The following TNFSF11 variants were observed in gnomAD, a reference collection of about 807,000 sequenced individuals.
TNFSF11 encodes the protein tumor necrosis factor ligand superfamily member 11.
TNFSF11 carries 12 observed loss-of-function variants against 32.2 expected under a neutral mutation model. The observed-to-expected ratio is 0.37, with a 90% confidence interval of 0.24 to 0.60. The LOEUF (loss-of-function observed/expected upper bound fraction) is 0.60. Among genes scored for constraint, TNFSF11 ranks in the 20% least tolerant of loss-of-function variants. The probability of loss-of-function intolerance (pLI) is 0.66; values close to 1 mark genes in which losing one functional copy is unlikely to be tolerated. For synonymous variants in TNFSF11, 172 were observed against 152.1 expected (o/e 1.13, Z -0.96); for missense variants, 345 against 398.0 (o/e 0.87, Z 1.13).
chr13:42,595,696 A>G (rs1868769952), intron 2 of TNFSF11, among the ~76,000 whole-genome samples: 1 of 152,240 alleles, frequency 6.6e-6, no homozygotes. Flanking sequence ...TCAGAGTGTT[A>G]ACTAACTGGT....
intron 1 of TNFSF11, among the ~76,000 whole-genome samples, chr13:42,580,401 C>T (rs1485156821): frequency 5.3e-5 from 8 of 152,146 alleles, no homozygotes; most frequent in African/African-American, 1.7e-4. Context: ...AGCATCCCTC[C>T]AGCACACGTC....
rs776671904 is a variant in TNFSF11 at position 42,606,447 on chromosome 13, C to G, written c.533-50C>G. On this transcript the variant is annotated intron_variant, in intron 4 of 4. Transcript: ENST00000398795. ...AACCTCATAGAATTGTGAAGACGTC[C>G]TTCTCATTTAAGGACTGACTTTCAA... 2.1e-5 allele frequency: 33 copies of G among 1,609,748 alleles called. No individual in the cohort carries two copies. In the South Asian group the frequency reaches 3.6e-4, roughly 18 times the overall value.
At chr13:42,596,757 C>T (rs181002016) in intron 2 of TNFSF11, among the ~76,000 whole-genome samples, 2 of 152,242 alleles carry the variant, frequency 1.3e-5, no homozygotes, top group East Asian at 1.9e-4. Context: ...TATAGTAAAC[C>T]CTTAACTAAA....
chr13:42,586,030 T>A (rs1002468803), intron 2 of TNFSF11, among the ~76,000 whole-genome samples: 6 of 152,276 alleles, frequency 3.9e-5, no homozygotes, highest in Non-Finnish European at 8.8e-5. Context: ...TCTGTATATG[T>A]ATTTTTTAAT....
intron 2 of TNFSF11, among the ~76,000 whole-genome samples, chr13:42,584,733 G>A (rs1323632459): frequency 6.6e-6 from 1 of 152,196 alleles, no homozygotes; most frequent in Non-Finnish European, 1.5e-5. Flanking sequence ...CTTATTAAGG[G>A]CACGTAGTCT....
chr13:42,592,349 T>C (rs1158582142), intron 2 of TNFSF11, among the ~76,000 whole-genome samples: 1 of 152,220 alleles, frequency 6.6e-6, no homozygotes, highest in Admixed American at 6.5e-5. Context: ...GGTAATATTC[T>C]TGAATGGCTC....
At chr13:42,582,104 T>C (rs1443436242) in intron 2 of TNFSF11, among the ~76,000 whole-genome samples, 2 of 152,228 alleles carry the variant, frequency 1.3e-5, no homozygotes, top group African/African-American at 4.8e-5. Flanking sequence ...TCCCAGCCTC[T>C]GTGTTGCAAC....
intron 2 of TNFSF11, among the ~76,000 whole-genome samples, chr13:42,588,458 G>A (rs916212537): frequency 3.3e-5 from 5 of 152,220 alleles, no homozygotes; most frequent in Non-Finnish European, 7.3e-5. Context: ...GCTTGAAAGA[G>A]GAGCCTTCAT....
intron 1 of TNFSF11, among the ~76,000 whole-genome samples, chr13:42,577,319 A>T (rs956504805): frequency 1.3e-5 from 2 of 152,222 alleles, no homozygotes; most frequent in African/African-American, 4.8e-5. Context: ...TAAATGTTTG[A>T]ATAGATAAAA....
intron 4 of TNFSF11, among the ~76,000 whole-genome samples, chr13:42,605,005 G>A (rs140256983): frequency 0.027 from 4,085 of 151,992 alleles, 176 homozygotes; most frequent in African/African-American, 0.093. Flanking sequence ...GGCTGGTCTC[G>A]AACTCCCGAC....
chr13:42,595,165 G>A lies in TNFSF11; in HGVS notation c.388-5587G>A, dbSNP rs1868734271. Among the ~76,000 whole-genome samples the A allele has an allele frequency of 2.6e-5, 4 of 152,332 alleles. No individual in the cohort carries two copies. In the South Asian group the frequency reaches 8.3e-4, roughly 32 times the overall value. On this transcript the variant is annotated intron_variant, in intron 2 of 4. Coordinates refer to ENST00000398795, the MANE Select transcript of TNFSF11 (RefSeq NM_003701.4). ...GTCAGGATTGTCAATGTTGGACAGC[G>A]TCCACTAGGTGGCAGTATCTCAGAA...
At chr13:42,565,019 ATC>A (rs1365757179) in intron 1 of TNFSF11, among the ~76,000 whole-genome samples, 2 of 152,208 alleles carry the variant, frequency 1.3e-5, no homozygotes, top group African/African-American at 4.8e-5. Flanking sequence ...GTAGATTTTA[ATC>A]TGTTACATCA....
chr13:42,581,331 G>A, intron 2 of TNFSF11, 38 bp downstream of exon 2: 1 of 1,610,618 alleles, frequency 6.2e-7, no homozygotes, highest in South Asian at 1.1e-5. Flanking sequence ...AAGGGCCCTT[G>A]CTGACTCTAC....
chr13:42,572,031 C>G (rs534896008), upstream of TNFSF11, among the ~76,000 whole-genome samples: 1 of 152,206 alleles, frequency 6.6e-6, no homozygotes, highest in East Asian at 1.9e-4. Context: ...TGAATGTTGA[C>G]AAAGGAATAA....
chr13:42,607,098 T>TGTTA lies in TNFSF11; in HGVS notation c.*182_*185dup. 1 of 712,766 alleles carries TGTTA rather than the reference T, an allele frequency of 1.4e-6. No homozygotes were observed. Among genetic ancestry groups the TGTTA allele is most frequent in the East Asian group, 2.7e-5 (1 of 36,632 alleles). 44.2% of individuals were successfully genotyped at this position (712,766 alleles called of 1,614,324 possible). A position where few individuals can be genotyped will look rare whatever the true frequency, so the allele number is the denominator to read the frequency against. On this transcript the variant is annotated 3_prime_UTR_variant, in exon 5 of 5. Coordinates refer to ENST00000398795, the MANE Select transcript of TNFSF11 (RefSeq NM_003701.4). ...ACGCGTATTTACAGCCAGTGGGAGA[T>TGTTA]GTTAGACTCATGGTGTGTTACACAA...
intron 2 of TNFSF11, among the ~76,000 whole-genome samples, chr13:42,567,454 C>G (rs1486516246): frequency 6.6e-6 from 1 of 152,112 alleles, no homozygotes; most frequent in South Asian, 2.1e-4. Context: ...GATGTTTTTC[C>G]TCTTCCACCT....
At chr13:42,574,697 G>A (rs565480419) in intron 1 of TNFSF11, among the ~76,000 whole-genome samples, 175 bp downstream of exon 1, 7 of 152,076 alleles carry the variant, frequency 4.6e-5, no homozygotes, top group African/African-American at 1.7e-4. Context: ...CCTGGCGCAG[G>A]GCTGTCGGGC....
Position 42,600,835 on chromosome 13 carries a change from G to A in TNFSF11, c.433+38G>A, listed in dbSNP as rs200544264. On this transcript the variant is annotated intron_variant, in intron 3 of 4. Coordinates refer to ENST00000398795, the MANE Select transcript of TNFSF11 (RefSeq NM_003701.4). ...CCATACATCTGTATGAAATCCCACA[G>A]GGTCACTACTATTTTGGCTATAATA... The A allele has an allele frequency of 3.3e-4, 536 of 1,614,064 alleles. 2 individuals are homozygous for A. In the Middle Eastern group the frequency reaches 0.013, roughly 40 times the overall value.
upstream of TNFSF11, among the ~76,000 whole-genome samples, chr13:42,573,734 T>C (rs1873155073): frequency 6.6e-6 from 1 of 151,968 alleles, no homozygotes; most frequent in African/African-American, 2.4e-5. Context: ...ACAGGAAGGG[T>C]CTTCAGAGAT....
Sources: gnomAD v4.1 joint callset for allele counts (sites outside exome capture counted in the v4.1 genomes callset) on GRCh38, gnomAD v4.1.1 for gene constraint, MANE v1.5 for transcripts, NCBI Gene and HGNC (gene_info 2026-07-23, HGNC 2026-07-21) for gene names.